Variants in TRIO observed in about 807,000 individuals in gnomAD.
TRIO encodes trio Rho guanine nucleotide exchange factor, also known as triple functional domain protein.
Under a neutral mutation model 351.9 loss-of-function variants are expected in TRIO, and 58 were observed. The ratio of observed to expected loss-of-function variants is 0.16; its 90% CI spans 0.13 to 0.21. The LOEUF is 0.21. TRIO is among the 10% of genes least tolerant of loss of function. The pLI, the probability that TRIO is intolerant of heterozygous loss-of-function variation, is 1.00. For synonymous variants in TRIO, 1,758 were observed against 1,595.7 expected (o/e 1.10, Z -2.42); for missense variants, 3,201 against 4,027.8 (o/e 0.79, Z 5.56).
At chr5:14,452,819 G>A (rs536420424) in intron 34 of TRIO, among the ~76,000 whole-genome samples, 24 of 152,340 alleles carry the variant, frequency 1.6e-4, no homozygotes, top group African/African-American at 5.3e-4. Flanking sequence ...AAAATAAAGA[G>A]AGGGTTAAAG....
At chr5:14,156,629 T>C (rs1370472486) in intron 1 of TRIO, among the ~76,000 whole-genome samples, 1 of 152,198 alleles carries the variant, frequency 6.6e-6, no homozygotes, top group East Asian at 1.9e-4. Flanking sequence ...GCTCCTTTTA[T>C]CCTCCGTATC....
chr5:14,412,054 C>G (rs914030438), intron 33 of TRIO, among the ~76,000 whole-genome samples: 6 of 151,332 alleles, frequency 4.0e-5, no homozygotes, highest in Non-Finnish European at 8.8e-5. Context: ...GTGGCATGAC[C>G]TTTGCTCACT....
chr5:14,423,004 C>T (rs1750305912), intron 34 of TRIO, among the ~76,000 whole-genome samples: 1 of 152,224 alleles, frequency 6.6e-6, no homozygotes, highest in African/African-American at 2.4e-5. Flanking sequence ...GCTTTGGAAG[C>T]TTGCATGTCC....
chr5:14,157,481 C>T (rs1340780319), intron 1 of TRIO, among the ~76,000 whole-genome samples: 2 of 150,526 alleles, frequency 1.3e-5, no homozygotes, highest in African/African-American at 4.8e-5. Flanking sequence ...CTGTCTCCCT[C>T]TCTCTCCCTG....
intron 28 of TRIO, among the ~76,000 whole-genome samples, chr5:14,395,810 C>T (rs1408966387): frequency 2.0e-5 from 3 of 152,134 alleles, no homozygotes; most frequent in Non-Finnish European, 4.4e-5. Context: ...CTTTGGGAGG[C>T]CGAGGCAGGC....
chr5:14,439,024 T>TTTTG (rs541954381), intron 34 of TRIO, among the ~76,000 whole-genome samples: 2 of 152,074 alleles, frequency 1.3e-5, no homozygotes, highest in African/African-American at 2.4e-5. Flanking sequence ...TTTTTTTTGT[T>TTTTG]TTTGTTTGTT....
chr5:14,202,043 A>C (rs1382750539), intron 1 of TRIO, among the ~76,000 whole-genome samples: 2 of 151,962 alleles, frequency 1.3e-5, no homozygotes, highest in Non-Finnish European at 1.5e-5. Context: ...GGCGCAGCAC[A>C]CCAACATGGC....
At chr5:14,478,785 A>C (rs1755291151) in intron 41 of TRIO, among the ~76,000 whole-genome samples, 2 of 89,248 alleles carry the variant, frequency 2.2e-5, no homozygotes, top group South Asian at 9.1e-4. Context: ...CTCCATCCCT[A>C]CAAAAAAAAA....
At chr5:14,324,926 AG>A (rs1740232858) in intron 9 of TRIO, among the ~76,000 whole-genome samples, 1 of 152,202 alleles carries the variant, frequency 6.6e-6, no homozygotes, top group Non-Finnish European at 1.5e-5. Flanking sequence ...AAGTACCCTC[AG>A]GTTAGGTTTT....
intron 34 of TRIO, among the ~76,000 whole-genome samples, chr5:14,421,998 G>A (rs550856403): frequency 5.3e-5 from 8 of 152,300 alleles, no homozygotes; most frequent in South Asian, 4.1e-4. Context: ...CTGCCCCCAC[G>A]ACTGGAAAGA....
chr5:14,186,253 C>T (rs1482214893), intron 1 of TRIO, among the ~76,000 whole-genome samples: 1 of 152,176 alleles, frequency 6.6e-6, no homozygotes, highest in Non-Finnish European at 1.5e-5. Flanking sequence ...GCTGGCCTTC[C>T]CAACTCTCAA....
intron 3 of TRIO, among the ~76,000 whole-genome samples, chr5:14,285,673 G>GT (rs886163947): frequency 6.6e-6 from 1 of 152,058 alleles, no homozygotes; most frequent in Non-Finnish European, 1.5e-5. Context: ...ATTTAGACTA[G>GT]TTTTTTGGGG....
intron 1 of TRIO, among the ~76,000 whole-genome samples, chr5:14,148,301 G>A (rs113707104): frequency 3.9e-5 from 6 of 152,084 alleles, no homozygotes; most frequent in African/African-American, 1.2e-4. Context: ...TAAATGTTAC[G>A]ATAAAGTTGA....
intron 11 of TRIO, among the ~76,000 whole-genome samples, chr5:14,347,836 C>G (rs536955133): frequency 2.6e-5 from 4 of 152,300 alleles, no homozygotes; most frequent in African/African-American, 9.6e-5. Context: ...AAGGGCCTGT[C>G]AGATACGTCA....
At position 14,275,020 on chromosome 5, in the gene TRIO, C is replaced by A. The variant is rs547724624; in HGVS notation, c.232+4121C>A. Among the ~76,000 whole-genome samples the A allele has an allele frequency of 9.2e-5, 14 of 152,132 alleles. No homozygotes were observed. The East Asian group carries it at 2.7e-3, about 29-fold the overall frequency. On this transcript the variant is annotated intron_variant, in intron 2 of 56. Transcript: ENST00000344204. Reference sequence around the variant, plus strand: ...ACCGGGTGGGTTGTCGTTTTTGTGTCTCTTTAGTGGACAAATCTGGGGGAA... The same window carrying A: ...ACCGGGTGGGTTGTCGTTTTTGTGTATCTTTAGTGGACAAATCTGGGGGAA...
intron 1 of TRIO, among the ~76,000 whole-genome samples, chr5:14,177,861 A>G (rs1350888429): frequency 2.0e-5 from 3 of 152,228 alleles, no homozygotes; most frequent in Admixed American, 6.5e-5. Context: ...TCACAGGCCC[A>G]TTATTAAACA....
intron 1 of TRIO, among the ~76,000 whole-genome samples, chr5:14,257,037 G>C (rs969819677): frequency 1.3e-5 from 2 of 152,202 alleles, no homozygotes; most frequent in African/African-American, 4.8e-5. Flanking sequence ...AAAGTAGAGT[G>C]GGAAGATCCT....
chr5:14,250,969 G>A (rs1794708515), intron 1 of TRIO, among the ~76,000 whole-genome samples: 1 of 152,166 alleles, frequency 6.6e-6, no homozygotes, highest in Non-Finnish European at 1.5e-5. Flanking sequence ...TTCCATGTCA[G>A]AAAAGGGAAC....
At chr5:14,370,538 C>G (rs1048626690) in intron 18 of TRIO, among the ~76,000 whole-genome samples, 1 of 152,160 alleles carries the variant, frequency 6.6e-6, no homozygotes, top group African/African-American at 2.4e-5. Flanking sequence ...TCCTGTTACA[C>G]TTAACACTTT....
Sources: allele counts gnomAD v4.1 joint callset (sites outside exome capture counted in the v4.1 genomes callset), GRCh38; gene constraint gnomAD v4.1.1; transcripts MANE v1.5; gene names NCBI Gene and HGNC (gene_info 2026-07-23, HGNC 2026-07-21).